Variants in SNRPN observed in about 807,000 individuals in gnomAD.
The protein encoded by SNRPN is small nuclear ribonucleoprotein polypeptide N.
A neutral mutation model predicts 25.2 loss-of-function variants in SNRPN; 7 were observed. The observed-to-expected ratio is 0.28, with a 90% CI of 0.16 to 0.52. The LOEUF is 0.52. Among genes scored for constraint, SNRPN ranks in the 20% least tolerant of loss-of-function variants. The pLI is 0.96. For synonymous variants in SNRPN, 124 were observed against 110.6 expected, an observed-to-expected ratio of 1.12 and a Z score of -0.76; for missense variants, 196 against 322.5, an observed-to-expected ratio of 0.61 and a Z score of 3.00.
At chr15:24,916,961 T>G (rs1182659118) in intron 2 of SNRPN, among the ~76,000 whole-genome samples, 1 of 152,130 alleles carries the variant, frequency 6.6e-6, no homozygotes, top group Non-Finnish European at 1.5e-5. Context: ...GTGGCTGGGG[T>G]GGAGTGGCCA....
At chr15:24,892,879 C>G (rs965734935) in intron 2 of SNRPN, among the ~76,000 whole-genome samples, 4 of 151,724 alleles carry the variant, frequency 2.6e-5, no homozygotes, top group African/African-American at 9.7e-5. Context: ...TGGGAAGATC[C>G]GGATCAAAAG....
intron 1 of SNRPN, among the ~76,000 whole-genome samples, chr15:24,858,531 TCA>T (rs1461165673): frequency 6.6e-6 from 1 of 152,068 alleles, no homozygotes; most frequent in Admixed American, 6.5e-5. Flanking sequence ...GGCACAGTGG[TCA>T]CACCTGTAAT....
At chr15:24,885,872 T>A in intron 1 of SNRPN, among the ~76,000 whole-genome samples, 1 of 152,154 alleles carries the variant, frequency 6.6e-6, no homozygotes, top group Non-Finnish European at 1.5e-5. Flanking sequence ...TGCAATGAGT[T>A]TATTTTTCAT....
intron 2 of SNRPN, among the ~76,000 whole-genome samples, chr15:24,887,837 C>G (rs931925121): frequency 6.6e-6 from 1 of 151,762 alleles, no homozygotes; most frequent in African/African-American, 2.4e-5. Context: ...CTGGATGTTG[C>G]CAAGAGGGAT....
chr15:24,840,816 C>CTGGGCTGTTACATTGTGACAGG (rs2051623164), intron 2 of SNRPN, among the ~76,000 whole-genome samples: 1 of 152,132 alleles, frequency 6.6e-6, no homozygotes, highest in Admixed American at 6.5e-5. Context: ...ACCAGCTAAA[C>CTGGGCTGTTACATTGTGACAGG]TGGGCTGTTA....
At chr15:24,966,776 A>C (rs1056183178) in intron 2 of SNRPN, among the ~76,000 whole-genome samples, 3 of 152,182 alleles carry the variant, frequency 2.0e-5, no homozygotes, top group African/African-American at 7.2e-5. Flanking sequence ...CTGAAAAACC[A>C]TAGAAAAAAG....
chr15:24,874,925 G>A (rs1279736707), intron 1 of SNRPN, among the ~76,000 whole-genome samples: 1 of 152,094 alleles, frequency 6.6e-6, no homozygotes, highest in African/African-American at 2.4e-5. Context: ...TTCCATCTTT[G>A]TCATCATAGA....
chr15:24,890,542 G>T (rs2057587593), intron 2 of SNRPN, among the ~76,000 whole-genome samples: 1 of 152,072 alleles, frequency 6.6e-6, no homozygotes, highest in Non-Finnish European at 1.5e-5. Context: ...AGCTGGGTGT[G>T]GTGGCACAAG....
upstream of SNRPN, among the ~76,000 whole-genome samples, chr15:24,855,715 T>G (rs965706915): frequency 2.1e-5 from 3 of 142,674 alleles, no homozygotes; most frequent in African/African-American, 7.9e-5. Context: ...TTGCTTGAAC[T>G]CAGGAGGAGG....
chr15:24,878,051 G>A (rs999658742), intron 1 of SNRPN, among the ~76,000 whole-genome samples: 9 of 152,166 alleles, frequency 5.9e-5, no homozygotes, highest in African/African-American at 2.2e-4. Context: ...AAAACTAGTT[G>A]ACTCTTAACT....
At chr15:24,889,460 G>C (rs1204652294) in intron 2 of SNRPN, among the ~76,000 whole-genome samples, 1 of 151,396 alleles carries the variant, frequency 6.6e-6, no homozygotes, top group East Asian at 2.0e-4. Context: ...CTGCCACCAC[G>C]CCCAGCTAAT....
chr15:24,872,297 G>A (rs2055222977), intron 1 of SNRPN, among the ~76,000 whole-genome samples: 2 of 117,378 alleles, frequency 1.7e-5, no homozygotes, highest in African/African-American at 2.9e-5. Flanking sequence ...CCTCCCAAGA[G>A]GCTAGGATTA....
At chr15:24,944,671 T>A (rs1308813572) in intron 3 of SNRPN, among the ~76,000 whole-genome samples, 1 of 152,202 alleles carries the variant, frequency 6.6e-6, no homozygotes. Flanking sequence ...AAGATCTGGT[T>A]CAGGTAGAGC....
upstream of SNRPN, among the ~76,000 whole-genome samples, chr15:24,953,296 A>C (rs2062423883): frequency 6.6e-6 from 1 of 152,158 alleles, no homozygotes; most frequent in African/African-American, 2.4e-5. Context: ...TAATTTTTTC[A>C]GTGTAAAACT....
At chr15:24,854,212 TACCTTTTAACAGCCCC>T (rs1393988941), upstream of SNRPN, among the ~76,000 whole-genome samples, 2 of 152,206 alleles carry the variant, frequency 1.3e-5, no homozygotes, top group African/African-American at 4.8e-5. Context: ...AAGGCCTAAT[TACCTTTTAACAGCCCC>T]ACCTTTTAAT....
intron 1 of SNRPN, among the ~76,000 whole-genome samples, chr15:24,867,643 G>T (rs936234427): frequency 2.0e-5 from 3 of 152,114 alleles, no homozygotes; most frequent in African/African-American, 7.2e-5. Context: ...CAAAGTGCTG[G>T]GATTACAGGC....
At chr15:24,897,459 G>A (rs536519380) in intron 2 of SNRPN, among the ~76,000 whole-genome samples, 2 of 152,270 alleles carry the variant, frequency 1.3e-5, no homozygotes, top group Non-Finnish European at 2.9e-5. Flanking sequence ...GGTGGTGTGT[G>A]CTTGTAGTCC....
At chr15:24,916,122 G>C (rs2059503638) in intron 2 of SNRPN, among the ~76,000 whole-genome samples, 1 of 151,782 alleles carries the variant, frequency 6.6e-6, no homozygotes. Context: ...CACCAAGCCT[G>C]GCTAACTTTT....
intron 1 of SNRPN, among the ~76,000 whole-genome samples, chr15:24,827,252 C>T (rs866320459): frequency 1.3e-5 from 2 of 151,948 alleles, no homozygotes; most frequent in South Asian, 2.1e-4. Flanking sequence ...CGGTGGCTCA[C>T]GCCTGTAATC....
Sources: allele counts gnomAD v4.1 joint callset (sites outside exome capture counted in the v4.1 genomes callset), GRCh38; gene constraint gnomAD v4.1.1; transcripts MANE v1.5; gene names NCBI Gene and HGNC (gene_info 2026-07-23, HGNC 2026-07-21).